The following MAP3K7CL variants were observed in gnomAD, a reference collection of about 807,000 sequenced individuals.
MAP3K7CL encodes the protein MAP3K7 C-terminal like.
MAP3K7CL carries 16 observed loss-of-function variants against 18.6 expected under a neutral mutation model. The observed-to-expected ratio is 0.86, with a 90% CI of 0.58 to 1.31. The LOEUF is 1.31. Ranked by LOEUF, MAP3K7CL falls within the 50% of genes most tolerant of loss-of-function variation. MAP3K7CL has a pLI of 0.00. For synonymous variants in MAP3K7CL, 65 were observed against 66.8 expected, an observed-to-expected ratio of 0.97 and a Z score of 0.13; for missense variants, 163 against 174.4, an observed-to-expected ratio of 0.93 and a Z score of 0.37.
At chr21:29,122,612 G>C (rs765238307) in intron 4 of MAP3K7CL, among the ~76,000 whole-genome samples, 1 of 152,170 alleles carries the variant, frequency 6.6e-6, no homozygotes, top group Non-Finnish European at 1.5e-5. Flanking sequence ...CCGTCAAGCC[G>C]TCCCTCTTAA....
At chr21:29,119,271 C>T (rs539378251) in intron 4 of MAP3K7CL, among the ~76,000 whole-genome samples, 6 of 152,356 alleles carry the variant, frequency 3.9e-5, no homozygotes, top group African/African-American at 1.2e-4. Context: ...AGTTTCAGCC[C>T]TGTCCCTGGA....
At chr21:29,139,677 A>G (rs1458927084) in intron 2 of MAP3K7CL, among the ~76,000 whole-genome samples, 3 of 151,754 alleles carry the variant, frequency 2.0e-5, no homozygotes, top group Admixed American at 6.6e-5. Flanking sequence ...CTTCACCTCC[A>G]GGGTTCAAGC....
intron 4 of MAP3K7CL, among the ~76,000 whole-genome samples, chr21:29,113,501 T>C (rs2086454575): frequency 6.6e-6 from 1 of 152,190 alleles, no homozygotes; most frequent in African/African-American, 2.4e-5. Flanking sequence ...TCACTGCGGC[T>C]GGAGTGCAGT....
At chr21:29,163,684 C>G (rs1338763377) in intron 4 of MAP3K7CL, among the ~76,000 whole-genome samples, 1 of 148,966 alleles carries the variant, frequency 6.7e-6, no homozygotes, top group East Asian at 2.0e-4. Flanking sequence ...CTAACAGGCC[C>G]CTTTCTTCCT....
rs955423933 is a variant in MAP3K7CL at position 29,136,441 on chromosome 21, T to C, written c.70+3027T>C. Among the ~76,000 whole-genome samples the C allele has an allele frequency of 2.6e-5, 4 of 152,190 alleles. No individual in the cohort carries two copies. The East Asian group carries it at 7.7e-4, about 29-fold the overall frequency. On this transcript the variant is annotated intron_variant, in intron 2 of 4. Coordinates refer to ENST00000399928, the MANE Select transcript of MAP3K7CL (RefSeq NM_001286620.2). ...GAGTAATTCTACATTGTTGGATTTA[T>C]TGTTGATGAATAAGCAGAGTCCATG...
chr21:29,087,818 C>T (rs1359430210), intron 1 of MAP3K7CL, among the ~76,000 whole-genome samples: 2 of 151,980 alleles, frequency 1.3e-5, no homozygotes, highest in African/African-American at 2.4e-5. Flanking sequence ...TGGTCTCGAT[C>T]TCCTGACCTC....
At chr21:29,115,627 G>A (rs954302536) in intron 4 of MAP3K7CL, among the ~76,000 whole-genome samples, 2 of 152,172 alleles carry the variant, frequency 1.3e-5, no homozygotes, top group Non-Finnish European at 2.9e-5. Context: ...AAACTGGGGT[G>A]ATAATAGTTC....
At chr21:29,125,936 T>C (rs2086673827), upstream of MAP3K7CL, among the ~76,000 whole-genome samples, 1 of 152,228 alleles carries the variant, frequency 6.6e-6, no homozygotes, top group Non-Finnish European at 1.5e-5. Context: ...GAGGTGTTTA[T>C]TCACTGGTGT....
At chr21:29,109,590 T>C in intron 4 of MAP3K7CL, 1 of 1,010,542 alleles carries the variant, frequency 9.9e-7, no homozygotes, top group Non-Finnish European at 1.2e-6. Context: ...GCACATTTAA[T>C]GTAAATAGCA....
chr21:29,104,772 T>A (rs2086292188), intron 4 of MAP3K7CL, among the ~76,000 whole-genome samples: 2 of 152,206 alleles, frequency 1.3e-5, no homozygotes, highest in Admixed American at 1.3e-4. Context: ...AACCACAGCG[T>A]GTCCTTCGGC....
intron 4 of MAP3K7CL, among the ~76,000 whole-genome samples, chr21:29,124,243 A>G (rs1224368203): frequency 6.6e-6 from 1 of 151,056 alleles, no homozygotes; most frequent in African/African-American, 2.4e-5. Flanking sequence ...AATCCCAGCT[A>G]CTCAGGAGGC....
chr21:29,145,435 T>C (rs1397558804), intron 2 of MAP3K7CL: 1 of 152,196 alleles, frequency 6.6e-6, no homozygotes, highest in African/African-American at 2.4e-5. Flanking sequence ...CAGCCAAATG[T>C]TTTTGGAACA....
chr21:29,174,687 C>G, intron 4 of MAP3K7CL, 25 bp from the exon 5 acceptor site: 1 of 1,612,908 alleles, frequency 6.2e-7, no homozygotes, highest in Non-Finnish European at 8.5e-7. Flanking sequence ...TGTGCTTCTT[C>G]CTGCCCTTTA....
chr21:29,101,875 C>A (rs1037727435), intron 4 of MAP3K7CL, among the ~76,000 whole-genome samples: 4 of 152,128 alleles, frequency 2.6e-5, no homozygotes, highest in Non-Finnish European at 4.4e-5. Flanking sequence ...TAGTGACTTA[C>A]TTTCATTCAT....
intron 3 of MAP3K7CL, among the ~76,000 whole-genome samples, chr21:29,150,670 C>G (rs1174969593): frequency 6.6e-6 from 1 of 151,998 alleles, no homozygotes; most frequent in Non-Finnish European, 1.5e-5. Context: ...GCTCTCCTGG[C>G]TTCTAATTTT....
At chr21:29,109,648 T>C (rs1601169461) in intron 4 of MAP3K7CL, 2 of 990,356 alleles carry the variant, frequency 2.0e-6, no homozygotes, top group East Asian at 1.1e-4. Context: ...TGAATGTCTA[T>C]AAGTGATAAT....
chr21:29,089,718 C>T (rs1555870794), intron 1 of MAP3K7CL, among the ~76,000 whole-genome samples: 1 of 152,102 alleles, frequency 6.6e-6, no homozygotes, highest in Non-Finnish European at 1.5e-5. Flanking sequence ...TGAGTTTGGC[C>T]TTTTGCCTTC....
chr21:29,101,630 G>C (rs921316016), intron 4 of MAP3K7CL, among the ~76,000 whole-genome samples: 3 of 152,022 alleles, frequency 2.0e-5, no homozygotes, highest in Admixed American at 6.6e-5. Context: ...GGATGGTCTC[G>C]ATCTCCTGAC....
upstream of MAP3K7CL, among the ~76,000 whole-genome samples, chr21:29,080,957 C>G (rs1429987617): frequency 6.6e-6 from 1 of 152,004 alleles, no homozygotes. Flanking sequence ...CAGAATCTTA[C>G]CAAATCCAGT....
Sources: gnomAD v4.1 joint callset for allele counts (sites outside exome capture counted in the v4.1 genomes callset) on GRCh38, gnomAD v4.1.1 for gene constraint, MANE v1.5 for transcripts, NCBI Gene and HGNC (gene_info 2026-07-23, HGNC 2026-07-21) for gene names.